PCA3: variants seen among roughly 807,000 people sequenced by gnomAD.
PCA3 encodes prostate cancer associated 3, also known as Differential Display code 3.
intron 2 of PCA3, among the ~76,000 whole-genome samples, chr9:76,774,476 T>TTC (rs1323761923): frequency 1.0e-4 from 15 of 148,662 alleles, no homozygotes; most frequent in Admixed American, 9.5e-4. Flanking sequence ...TTTTTTTTTT[T>TTC]TGAGATGGAG....
intron 2 of PCA3, among the ~76,000 whole-genome samples, chr9:76,776,018 C>G (rs929023354): frequency 6.6e-6 from 1 of 152,200 alleles, no homozygotes; most frequent in Non-Finnish European, 1.5e-5. Context: ...AGAAAGAACA[C>G]TGATACTACT....
At chr9:76,769,416 C>T (rs2052827777) in intron 2 of PCA3, among the ~76,000 whole-genome samples, 1 of 152,166 alleles carries the variant, frequency 6.6e-6, no homozygotes, top group Admixed American at 6.5e-5. Flanking sequence ...AGGTTGCTTT[C>T]CATTTCTTCC....
intron 2 of PCA3, among the ~76,000 whole-genome samples, chr9:76,774,227 C>T (rs957678437): frequency 1.3e-5 from 2 of 151,960 alleles, no homozygotes; most frequent in Admixed American, 6.5e-5. Flanking sequence ...CCTCAACCTC[C>T]TAGGCTCAAG....
intron 2 of PCA3, among the ~76,000 whole-genome samples, chr9:76,772,304 T>C (rs2053199053): frequency 6.6e-6 from 1 of 152,190 alleles, no homozygotes; most frequent in Admixed American, 6.5e-5. Context: ...GACTCTTCAA[T>C]AGTTACAATT....
intron 2 of PCA3, chr9:76,778,476 C>T (rs1048938775): frequency 1.3e-5 from 2 of 152,200 alleles, no homozygotes; most frequent in Non-Finnish European, 2.9e-5. Context: ...ACTACTGAAA[C>T]GATGGGATGG....
intron 2 of PCA3, among the ~76,000 whole-genome samples, chr9:76,766,471 T>C (rs928524661): frequency 1.3e-5 from 2 of 152,174 alleles, no homozygotes; most frequent in Non-Finnish European, 2.9e-5. Flanking sequence ...AAAACACATA[T>C]TAGATTCTGC....
intron 2 of PCA3, chr9:76,785,818 A>G (rs976802740): frequency 2.0e-5 from 3 of 152,130 alleles, no homozygotes; most frequent in African/African-American, 7.2e-5. Context: ...AAAAACAAGC[A>G]TGTTTTCAAA....
rs1339406231 is a variant in PCA3, at chr9:76,768,573, ATGTATATGTATGTGTGTG to A, written n.852+31962_852+31979del. ...CTCTTATCTTTGGGTTGATATATAT[ATGTATATGTATGTGTGTG>A]TGTGTGTGTGTGTGTGTGTGTGTGT... On this transcript the variant is annotated intron_variant and non_coding_transcript_variant, in intron 2 of 5. Transcript: ENST00000644657. Among the ~76,000 whole-genome samples, 90 of 118,744 alleles carry A rather than the reference ATGTATATGTATGTGTGTG, an allele frequency of 7.6e-4. 2 individuals carry two copies. The highest frequency in any genetic ancestry group is 2.6e-4 in the South Asian group (1 of 3,778). 77.9% of individuals were successfully genotyped at this position (118,744 alleles called of 152,430 possible).
chr9:76,778,223 G>GT (rs962709207), intron 2 of PCA3, among the ~76,000 whole-genome samples: 1 of 152,190 alleles, frequency 6.6e-6, no homozygotes, highest in African/African-American at 2.4e-5. Context: ...GCAGGCCATT[G>GT]TAAGAGCCAG....
chr9:76,768,575 GTA>G (rs58284637), intron 2 of PCA3, among the ~76,000 whole-genome samples: 26,926 of 123,068 alleles, frequency 0.22, 2,601 homozygotes, highest in South Asian at 0.32. Context: ...ATATATATAT[GTA>G]TATGTATGTG....
At chr9:76,781,000 C>T (rs1024849247) in intron 2 of PCA3, among the ~76,000 whole-genome samples, 11 of 152,120 alleles carry the variant, frequency 7.2e-5, no homozygotes, top group African/African-American at 2.2e-4. Flanking sequence ...ACATTTTTTC[C>T]TCCCTAGTCC....
intron 2 of PCA3, among the ~76,000 whole-genome samples, chr9:76,775,672 A>T (rs2053657261): frequency 6.6e-6 from 1 of 152,180 alleles, no homozygotes; most frequent in Non-Finnish European, 1.5e-5. Context: ...AAGGAATGTT[A>T]TCTCTTTACA....
At chr9:76,765,769 T>C (rs2052294017) in intron 2 of PCA3, among the ~76,000 whole-genome samples, 1 of 152,216 alleles carries the variant, frequency 6.6e-6, no homozygotes, top group African/African-American at 2.4e-5. Context: ...CTTTCTGAAC[T>C]TGTCCAAACC....
rs376183277 is a variant in PCA3 at position 76,783,887 on chromosome 9, G to C, written n.853-24696G>C. ...CAGGAAGCACAAAAGGAAGCACAGA[G>C]GTAAGTGCTTTATAAAGCACTCAAT... On this transcript the variant is annotated intron_variant and non_coding_transcript_variant, in intron 2 of 5. Coordinates refer to ENST00000644657, the Ensembl canonical transcript of PCA3. The C allele has an allele frequency of 5.9e-5, 9 of 152,272 alleles. No individual in the cohort carries two copies. In the East Asian group the frequency reaches 1.2e-3, roughly 20 times the overall value. The allele number at this position is 152,272 out of a possible 1,614,324, so 9.4% of individuals were successfully genotyped here. A position where few individuals can be genotyped will look rare whatever the true frequency, so the allele number is the denominator to read the frequency against.
At chr9:76,768,492 C>A (rs917088778) in intron 2 of PCA3, among the ~76,000 whole-genome samples, 26 of 152,006 alleles carry the variant, frequency 1.7e-4, no homozygotes, top group Non-Finnish European at 2.6e-4. Context: ...TACTCCTGGC[C>A]CCATTTCAAC....
intron 2 of PCA3, among the ~76,000 whole-genome samples, chr9:76,771,142 C>T (rs2053056214): frequency 6.6e-6 from 1 of 152,034 alleles, no homozygotes; most frequent in Non-Finnish European, 1.5e-5. Flanking sequence ...AAATTATGAT[C>T]ATAGAAACTA....
At chr9:76,772,233 G>A (rs10119901) in intron 2 of PCA3, among the ~76,000 whole-genome samples, 83,492 of 151,972 alleles carry the variant, frequency 0.55, 24,747 homozygotes, top group African/African-American at 0.78. Context: ...CACTACAGAG[G>A]GAAATAACAG....
intron 2 of PCA3, chr9:76,784,910 A>G (rs1281618605): frequency 6.6e-6 from 1 of 152,152 alleles, no homozygotes; most frequent in African/African-American, 2.4e-5. Flanking sequence ...ATATCACAGG[A>G]TTAACTTTTT....
At chr9:76,768,750 A>G (rs776659869) in intron 2 of PCA3, among the ~76,000 whole-genome samples, 12 of 152,134 alleles carry the variant, frequency 7.9e-5, no homozygotes, top group South Asian at 4.1e-4. Flanking sequence ...TGAATTTCTT[A>G]CCACCCAAGT....
Sources: allele counts gnomAD v4.1 joint callset (sites outside exome capture counted in the v4.1 genomes callset), GRCh38; gene constraint gnomAD v4.1.1; transcripts MANE v1.5; gene names NCBI Gene and HGNC (gene_info 2026-07-23, HGNC 2026-07-21).